Variants in STK32B observed in about 807,000 individuals in gnomAD.
The protein encoded by STK32B is serine/threonine kinase 32B, also known as serine/threonine-protein kinase 32B.
A neutral mutation model predicts 52.6 loss-of-function variants in STK32B; 43 were observed. That is an observed-to-expected ratio of 0.82 (90% CI 0.64 to 1.05). The LOEUF (loss-of-function observed/expected upper bound fraction) is 1.05. STK32B is among the 50% of genes least tolerant of loss of function. STK32B has a pLI of 0.00. For synonymous variants in STK32B, 238 were observed against 204.3 expected (o/e 1.17, Z -1.41); for missense variants, 621 against 534.6 (o/e 1.16, Z -1.59).
chr4:5,493,447 C>G (rs539653868), intron 11 of STK32B, among the ~76,000 whole-genome samples: 13 of 151,984 alleles, frequency 8.6e-5, no homozygotes, highest in Non-Finnish European at 1.3e-4. Flanking sequence ...TTTTTTATTG[C>G]GTGTATTTGA....
At chr4:5,209,991 G>A (rs1722809322) in intron 3 of STK32B, among the ~76,000 whole-genome samples, 1 of 152,200 alleles carries the variant, frequency 6.6e-6, no homozygotes, top group Non-Finnish European at 1.5e-5. Flanking sequence ...AATTTCTAGA[G>A]GCCAACTGCC....
chr4:5,379,568 A>G (rs1027713153), intron 4 of STK32B, among the ~76,000 whole-genome samples: 2 of 152,140 alleles, frequency 1.3e-5, no homozygotes, highest in African/African-American at 4.8e-5. Flanking sequence ...CCAGAATGTG[A>G]TTGCATTTGG....
At position 5,140,187 on chromosome 4, in the gene STK32B, T is replaced by A. The variant is rs80102008; in HGVS notation, c.108+227T>A. 4,043 of 1,496,830 alleles carry A rather than the reference T, an allele frequency of 2.7e-3. 91 individuals are homozygous for A. In the African/African-American group the frequency reaches 0.046, roughly 17 times the overall value. The allele number at this position is 1,496,830 out of a possible 1,614,324, so 92.7% of individuals were successfully genotyped here. On this transcript the variant is annotated intron_variant, in intron 2 of 11. Transcript: ENST00000282908. ...CTGGTTTAGGTGAATTACAATGGTATTTATTTCAGGATTGCCAATGCCGTT... is the reference window on the plus strand; with the variant it reads ...CTGGTTTAGGTGAATTACAATGGTAATTATTTCAGGATTGCCAATGCCGTT...
At chr4:5,044,236 T>C in the STK32B span, among the ~76,000 whole-genome samples, 1 of 152,174 alleles carries the variant, frequency 6.6e-6, no homozygotes, top group Non-Finnish European at 1.5e-5. Flanking sequence ...GTCCTAGGGT[T>C]GATCCTTGCA....
chr4:5,192,824 G>A (rs547481631), intron 3 of STK32B, among the ~76,000 whole-genome samples: 1 of 152,148 alleles, frequency 6.6e-6, no homozygotes, highest in Non-Finnish European at 1.5e-5. Flanking sequence ...GCCCAGGGCC[G>A]CCGCCTCCTG....
intron 1 of STK32B, among the ~76,000 whole-genome samples, chr4:5,078,421 G>T (rs1308714172): frequency 2.0e-5 from 3 of 152,168 alleles, no homozygotes; most frequent in Non-Finnish European, 4.4e-5. Flanking sequence ...AAACTGACAT[G>T]ATATGAAAAG....
At chr4:5,494,442 A>T (rs1261274042) in intron 11 of STK32B, among the ~76,000 whole-genome samples, 1 of 151,606 alleles carries the variant, frequency 6.6e-6, no homozygotes, top group African/African-American at 2.4e-5. Flanking sequence ...ATTTTCCTCC[A>T]TCCCTTTATT....
chr4:5,107,456 C>T (rs141440197), intron 1 of STK32B, among the ~76,000 whole-genome samples: 1 of 152,274 alleles, frequency 6.6e-6, no homozygotes, highest in African/African-American at 2.4e-5. Flanking sequence ...GTCTCTGGTC[C>T]TAAAAGTGTG....
chr4:5,481,254 G>A (rs1229128328), intron 11 of STK32B, among the ~76,000 whole-genome samples: 1 of 152,140 alleles, frequency 6.6e-6, no homozygotes, highest in Admixed American at 6.6e-5. Context: ...GTTGTTTCCT[G>A]ACTTTTTAAT....
intron 1 of STK32B, among the ~76,000 whole-genome samples, chr4:5,118,808 C>A (rs1216830201): frequency 6.6e-6 from 1 of 152,164 alleles, no homozygotes; most frequent in Non-Finnish European, 1.5e-5. Flanking sequence ...GTGGGCTCTC[C>A]ATTATGGCAA....
intron 3 of STK32B, among the ~76,000 whole-genome samples, chr4:5,230,986 G>C (rs1259946146): frequency 6.6e-6 from 1 of 152,218 alleles, no homozygotes; most frequent in African/African-American, 2.4e-5. Context: ...CACTTCTGCA[G>C]ACAGTGACAA....
In STK32B at chr4:5,178,475, T is replaced by C. The variant is rs188435655; in HGVS notation, c.260+10025T>C. On this transcript the variant is annotated intron_variant, in intron 3 of 11. Coordinates refer to ENST00000282908, the MANE Select transcript of STK32B (RefSeq NM_018401.3). ...TGTCCTGGAGACATTTTCCCCATTG[T>C]CTTGGTGATCAGCATTTGGCTCCTC... Among the ~76,000 whole-genome samples the C allele has an allele frequency of 4.5e-3, 678 of 152,342 alleles. 8 individuals carry two copies. The highest frequency in any genetic ancestry group is 2.1e-3 in the Non-Finnish European group (145 of 68,036).
chr4:5,277,332 G>C (rs544494831), intron 3 of STK32B, among the ~76,000 whole-genome samples: 25 of 149,670 alleles, frequency 1.7e-4, no homozygotes, highest in Admixed American at 1.4e-3. Flanking sequence ...AGCTATTAGA[G>C]AACAGGTCAT....
chr4:5,048,807 C>T (rs1275334568), upstream of STK32B, among the ~76,000 whole-genome samples: 2 of 152,188 alleles, frequency 1.3e-5, no homozygotes, highest in Non-Finnish European at 2.9e-5. Context: ...CCAGTCTCCT[C>T]CAGAGTGGGG....
intron 1 of STK32B, among the ~76,000 whole-genome samples, chr4:5,071,870 T>C (rs1711800080): frequency 6.6e-6 from 1 of 152,182 alleles, no homozygotes; most frequent in Non-Finnish European, 1.5e-5. Context: ...TGTGATATGA[T>C]GGGTAGGGAG....
intron 2 of STK32B, among the ~76,000 whole-genome samples, chr4:5,161,780 T>C (rs1530610): frequency 0.51 from 78,122 of 152,070 alleles, 20,635 homozygotes; most frequent in African/African-American, 0.62. Flanking sequence ...TTGAGCAATA[T>C]AGTAGCCAGC....
chr4:5,143,535 G>C (rs1300992145), intron 2 of STK32B, among the ~76,000 whole-genome samples: 4 of 152,164 alleles, frequency 2.6e-5, no homozygotes, highest in Non-Finnish European at 4.4e-5. Context: ...GATTGTATGG[G>C]TGAAGAGTTG....
intron 6 of STK32B, among the ~76,000 whole-genome samples, chr4:5,423,479 T>C (rs964867698): frequency 6.6e-6 from 1 of 152,180 alleles, no homozygotes; most frequent in African/African-American, 2.4e-5. Context: ...GCATATAGCA[T>C]AATGCCTGAT....
chr4:5,331,826 G>C (rs571126294), intron 4 of STK32B, among the ~76,000 whole-genome samples: 2 of 152,276 alleles, frequency 1.3e-5, no homozygotes, highest in South Asian at 2.1e-4. Flanking sequence ...CTCAGTGCTG[G>C]CTCTGGGCTT....
Sources: allele counts gnomAD v4.1 joint callset (sites outside exome capture counted in the v4.1 genomes callset), GRCh38; gene constraint gnomAD v4.1.1; transcripts MANE v1.5; gene names NCBI Gene and HGNC (gene_info 2026-07-23, HGNC 2026-07-21).